Variants in FLI1 observed in about 807,000 individuals in gnomAD.
FLI1 encodes Friend leukemia integration 1 transcription factor.
FLI1 carries 13 observed loss-of-function variants against 53.1 expected under a neutral mutation model. The ratio of observed to expected loss-of-function variants is 0.24; its 90% CI spans 0.16 to 0.39. FLI1 has a LOEUF of 0.39. FLI1 is among the 10% of genes least tolerant of loss of function. The probability of loss-of-function intolerance (pLI) is 1.00; values close to 1 mark genes in which losing one functional copy is unlikely to be tolerated. For synonymous variants in FLI1, 244 were observed against 236.7 expected (o/e 1.03, Z -0.28); for missense variants, 424 against 600.5 (o/e 0.71, Z 3.07).
At chr11:128,717,334 G>C (rs555901746) in intron 1 of FLI1, among the ~76,000 whole-genome samples, 112 of 152,288 alleles carry the variant, frequency 7.4e-4, no homozygotes, top group African/African-American at 2.6e-3. Context: ...AAAAGCACAC[G>C]CATGATGGTT....
chr11:128,686,493 C>T (rs1865805796), upstream of FLI1: 1 of 456,638 alleles, frequency 2.2e-6, no homozygotes. Context: ...CACTCGGACC[C>T]TCCCTCGCCG....
rs549262715 is a variant in FLI1, at chr11:128,811,707, A to G, written c.*719A>G. 2 of 192,966 alleles carry G rather than the reference A, an allele frequency of 1.0e-5. No homozygotes were observed. Among genetic ancestry groups the G allele is most frequent in the Non-Finnish European group, 2.1e-5 (2 of 93,298 alleles). The allele number at this position is 192,966 out of a possible 1,614,324, so 12.0% of individuals were successfully genotyped here. A position where few individuals can be genotyped will look rare whatever the true frequency, so the allele number is the denominator to read the frequency against. On this transcript the variant is annotated 3_prime_UTR_variant, in exon 9 of 9. Transcript: ENST00000527786. ...AAATTACTAATTTTTTTTTTTTTTT[A>G]AATGATGACAGTGGTCCCAGAACTT...
upstream of FLI1, chr11:128,686,230 T>C (rs1226307618): frequency 2.4e-6 from 1 of 413,968 alleles, no homozygotes; most frequent in Non-Finnish European, 4.9e-6. Context: ...GTCCTACCTC[T>C]GTCCTGGTCG....
At chr11:128,765,476 C>T (rs146698164) in intron 2 of FLI1, among the ~76,000 whole-genome samples, 69 of 152,312 alleles carry the variant, frequency 4.5e-4, no homozygotes, top group African/African-American at 1.5e-3. Flanking sequence ...GTATCCCCAC[C>T]GTCCACAAAC....
intron 5 of FLI1, among the ~76,000 whole-genome samples, chr11:128,794,240 G>A (rs907861376): frequency 6.6e-6 from 1 of 152,154 alleles, no homozygotes; most frequent in African/African-American, 2.4e-5. Flanking sequence ...CCATTTAGAG[G>A]AGAAGGGTCC....
intron 1 of FLI1, among the ~76,000 whole-genome samples, chr11:128,687,323 G>A (rs1387420448): frequency 1.3e-5 from 2 of 152,098 alleles, no homozygotes. Context: ...ACTGAAGCTG[G>A]GACACCTGGG....
At chr11:128,718,824 C>T (rs775284466) in intron 1 of FLI1, among the ~76,000 whole-genome samples, 5 of 151,854 alleles carry the variant, frequency 3.3e-5, no homozygotes, top group Admixed American at 6.6e-5. Flanking sequence ...GAGGTGCAGA[C>T]TCGGTGAGAC....
chr11:128,707,594 C>G (rs1465206003), intron 1 of FLI1, among the ~76,000 whole-genome samples: 5 of 152,152 alleles, frequency 3.3e-5, no homozygotes, highest in Non-Finnish European at 5.9e-5. Flanking sequence ...GACTGTGGGT[C>G]TCTATAAACA....
At chr11:128,798,186 A>G (rs772777877) in intron 5 of FLI1, among the ~76,000 whole-genome samples, 1 of 152,206 alleles carries the variant, frequency 6.6e-6, no homozygotes, top group Non-Finnish European at 1.5e-5. Flanking sequence ...GAAGTATGCA[A>G]TTTAGTTGCG....
chr11:128,800,348 G>C (rs1239047740), intron 5 of FLI1, among the ~76,000 whole-genome samples: 2 of 152,208 alleles, frequency 1.3e-5, no homozygotes, highest in Non-Finnish European at 1.5e-5. Flanking sequence ...TGAGAGCAAG[G>C]TTTTATGACA....
chr11:128,692,405 G>T (rs1173132672), upstream of FLI1, among the ~76,000 whole-genome samples: 2 of 152,022 alleles, frequency 1.3e-5, no homozygotes, highest in Non-Finnish European at 2.9e-5. Flanking sequence ...ACAGGAGCGG[G>T]GGGAGTCAGC....
intron 5 of FLI1, among the ~76,000 whole-genome samples, chr11:128,791,853 G>A (rs1047869033): frequency 6.6e-6 from 1 of 152,150 alleles, no homozygotes; most frequent in Non-Finnish European, 1.5e-5. Context: ...CCCAACCACC[G>A]CAGGATCCTG....
In FLI1 at chr11:128,735,588, A is replaced by G. The variant is rs146458215; in HGVS notation, c.19-22527A>G. ...CCTTTAGAGATCAATTTGATGATGG[A>G]GAAATAATCCTCACATTATCCACAT... On this transcript the variant is annotated intron_variant, in intron 1 of 8. Transcript: ENST00000527786. 1.7e-3 allele frequency among the ~76,000 whole-genome samples: 263 copies of G among 152,332 alleles called. 1 individual carries two copies. The highest frequency in any genetic ancestry group is 3.4e-3 in the Middle Eastern group (1 of 294).
intron 4 of FLI1, among the ~76,000 whole-genome samples, chr11:128,778,036 T>A (rs564472302): frequency 1.3e-5 from 2 of 152,360 alleles, no homozygotes; most frequent in East Asian, 3.9e-4. Context: ...CTTTTCCCCA[T>A]GCTTGCACTT....
At chr11:128,712,931 G>C (rs1266164612) in intron 1 of FLI1, among the ~76,000 whole-genome samples, 2 of 152,216 alleles carry the variant, frequency 1.3e-5, no homozygotes, top group African/African-American at 4.8e-5. Flanking sequence ...TAGAATCACT[G>C]TGAGGAATAA....
chr11:128,791,756 T>C (rs751704247), intron 5 of FLI1, among the ~76,000 whole-genome samples: 33 of 152,172 alleles, frequency 2.2e-4, no homozygotes, highest in Non-Finnish European at 3.4e-4. Context: ...TTGGAAGCTG[T>C]GATCAGTCCC....
intron 6 of FLI1, chr11:128,805,880 T>C: frequency 1.9e-5 from 3 of 154,070 alleles, no homozygotes; most frequent in South Asian, 2.0e-4. Flanking sequence ...AATTGATGTC[T>C]CAGAACCCTG....
At chr11:128,749,790 C>T (rs191733210) in intron 1 of FLI1, among the ~76,000 whole-genome samples, 6 of 152,354 alleles carry the variant, frequency 3.9e-5, no homozygotes, top group Non-Finnish European at 8.8e-5. Flanking sequence ...AATTTACCTC[C>T]TCTTCCCTTT....
At chr11:128,706,822 A>C (rs760622126) in intron 1 of FLI1, among the ~76,000 whole-genome samples, 19 of 152,280 alleles carry the variant, frequency 1.2e-4, no homozygotes, top group Non-Finnish European at 2.4e-4. Context: ...AATTTTACTA[A>C]AGTAGATTTT....
Sources: allele counts gnomAD v4.1 joint callset (sites outside exome capture counted in the v4.1 genomes callset), GRCh38; gene constraint gnomAD v4.1.1; transcripts MANE v1.5; gene names NCBI Gene and HGNC (gene_info 2026-07-23, HGNC 2026-07-21).